Variants in KDM4C observed in about 807,000 individuals in gnomAD.
The protein encoded by KDM4C is lysine-specific demethylase 4C.
Under a neutral mutation model 129.3 loss-of-function variants are expected in KDM4C, and 81 were observed. The ratio of observed to expected loss-of-function variants is 0.63; its 90% confidence interval spans 0.52 to 0.75. The LOEUF is 0.75. Among genes scored for constraint, KDM4C ranks in the 30% least tolerant of loss-of-function variants. The probability of loss-of-function intolerance (pLI) is 0.00; values close to 1 mark genes in which losing one functional copy is unlikely to be tolerated. For missense variants in KDM4C, 1,457 were observed against 1,304.0 expected (o/e 1.12, Z -1.81); for synonymous variants, 573 against 456.1 (o/e 1.26, Z -3.26).
intron 18 of KDM4C, among the ~76,000 whole-genome samples, chr9:7,124,089 G>C (rs1468525822): frequency 6.6e-6 from 1 of 152,106 alleles, no homozygotes; most frequent in African/African-American, 2.4e-5. Context: ...GCACCCCTTT[G>C]ATTTAGGTGT....
intron 17 of KDM4C, among the ~76,000 whole-genome samples, chr9:7,092,803 G>C (rs1170380841): frequency 5.3e-5 from 8 of 152,112 alleles, no homozygotes; most frequent in Non-Finnish European, 8.8e-5. Context: ...ACGTCTTTTA[G>C]AGTATGAACG....
chr9:6,848,624 G>T (rs1417135493), intron 4 of KDM4C, among the ~76,000 whole-genome samples: 2 of 151,984 alleles, frequency 1.3e-5, no homozygotes, highest in African/African-American at 4.8e-5. Context: ...AGCTGAGATT[G>T]CACCACTGCA....
chr9:7,134,790 G>A (rs1002924199), intron 19 of KDM4C, among the ~76,000 whole-genome samples: 4 of 152,306 alleles, frequency 2.6e-5, no homozygotes, highest in Non-Finnish European at 2.9e-5. Flanking sequence ...CCATTTTAGA[G>A]GCATAGAATC....
chr9:6,801,061 A>G (rs1828853364), intron 2 of KDM4C, among the ~76,000 whole-genome samples: 1 of 152,046 alleles, frequency 6.6e-6, no homozygotes, highest in Admixed American at 6.6e-5. Flanking sequence ...AACAACTCTC[A>G]CTTATAAGCT....
chr9:6,859,759 G>T (rs566694043), intron 5 of KDM4C, among the ~76,000 whole-genome samples: 11 of 151,742 alleles, frequency 7.2e-5, no homozygotes, highest in African/African-American at 2.7e-4. Context: ...CTAGCTACTC[G>T]GGAGGTGGGG....
At chr9:6,778,202 G>A (rs932265084) in intron 1 of KDM4C, among the ~76,000 whole-genome samples, 2 of 150,350 alleles carry the variant, frequency 1.3e-5, no homozygotes, top group Non-Finnish European at 3.0e-5. Flanking sequence ...CAATTCTCCT[G>A]CCTCAACCTT....
intron 3 of KDM4C, among the ~76,000 whole-genome samples, chr9:6,810,498 G>C (rs77029753): frequency 6.6e-6 from 1 of 151,878 alleles, no homozygotes; most frequent in Admixed American, 6.6e-5. Context: ...AAAAATTTTT[G>C]GTTTTTTTTA....
chr9:7,171,531 A>G (rs893286776), intron 21 of KDM4C, among the ~76,000 whole-genome samples: 1 of 151,886 alleles, frequency 6.6e-6, no homozygotes, highest in Non-Finnish European at 1.5e-5. Context: ...GATTTAGAGG[A>G]TGGGGAGTGG....
intron 15 of KDM4C, among the ~76,000 whole-genome samples, chr9:7,045,607 T>A (rs1478020888): frequency 1.3e-5 from 2 of 152,028 alleles, no homozygotes; most frequent in African/African-American, 2.4e-5. Context: ...GTGGTATGGA[T>A]AGAGAAAATT....
At chr9:7,076,460 A>G (rs935780410) in intron 17 of KDM4C, 2 of 1,551,002 alleles carry the variant, frequency 1.3e-6, no homozygotes, top group African/African-American at 1.4e-5. Context: ...AGACACAGCA[A>G]CAGTAACAAC....
intron 18 of KDM4C, among the ~76,000 whole-genome samples, chr9:7,108,451 G>T (rs1304311321): frequency 6.6e-6 from 1 of 152,088 alleles, no homozygotes; most frequent in African/African-American, 2.4e-5. Context: ...TGCCCAGGCT[G>T]GTCTTGAACT....
intron 21 of KDM4C, 74 bp from the exon 22 acceptor site, chr9:7,174,479 G>C: frequency 7.0e-7 from 1 of 1,435,248 alleles, no homozygotes; most frequent in Non-Finnish European, 9.7e-7. Context: ...CCAGCTGACC[G>C]AGTCAGATCT....
chr9:6,823,167 A>G (rs1173281219), intron 4 of KDM4C, among the ~76,000 whole-genome samples: 1 of 152,132 alleles, frequency 6.6e-6, no homozygotes, highest in Non-Finnish European at 1.5e-5. Flanking sequence ...TCTTTGCAAG[A>G]TTTTCCCTTT....
At chr9:6,939,347 C>T (rs938410006) in intron 8 of KDM4C, among the ~76,000 whole-genome samples, 5 of 152,070 alleles carry the variant, frequency 3.3e-5, no homozygotes, top group Non-Finnish European at 4.4e-5. Context: ...CCCATCCCCC[C>T]GTGAGGGCAT....
At chr9:6,795,129 G>T (rs1827476775) in intron 2 of KDM4C, among the ~76,000 whole-genome samples, 1 of 152,140 alleles carries the variant, frequency 6.6e-6, no homozygotes. Flanking sequence ...CTTATGTAAA[G>T]GGTTCTCCTT....
chr9:6,973,322 C>T (rs772625206), intron 8 of KDM4C, among the ~76,000 whole-genome samples: 7 of 152,150 alleles, frequency 4.6e-5, no homozygotes, highest in Admixed American at 1.3e-4. Flanking sequence ...GGATTACAGG[C>T]GTGAGCCCCA....
At chr9:6,985,685 T>C (rs1474649248) in intron 10 of KDM4C, among the ~76,000 whole-genome samples, 1 of 152,160 alleles carries the variant, frequency 6.6e-6, no homozygotes, top group African/African-American at 2.4e-5. Context: ...TAGTCCCTTT[T>C]TTTAAAATTT....
rs546517412 is a variant in KDM4C at position 7,073,334 on chromosome 9, A to G, written c.2424+24134A>G. Among the ~76,000 whole-genome samples the G allele has an allele frequency of 3.3e-5, 5 of 152,352 alleles. No individual in the cohort carries two copies. In the South Asian group the frequency reaches 1.0e-3, roughly 32 times the overall value. On this transcript the variant is annotated intron_variant, in intron 17 of 21. Coordinates refer to ENST00000381309, the MANE Select transcript of KDM4C (RefSeq NM_015061.6). ...AATGAGATATATGCGATGTTAGCAC[A>G]ATGGTTGGCACTGAGTAAGTTTCAG...
intron 11 of KDM4C, among the ~76,000 whole-genome samples, chr9:6,989,041 G>A (rs1459158463): frequency 6.6e-6 from 1 of 152,140 alleles, no homozygotes; most frequent in Non-Finnish European, 1.5e-5. Context: ...AATTTTTCCT[G>A]CTATAGCTCC....
Sources: allele counts gnomAD v4.1 joint callset (sites outside exome capture counted in the v4.1 genomes callset), GRCh38; gene constraint gnomAD v4.1.1; transcripts MANE v1.5; gene names NCBI Gene and HGNC (gene_info 2026-07-23, HGNC 2026-07-21).